The following ROBO2 variants were observed in gnomAD, a reference collection of about 807,000 sequenced individuals.
The protein encoded by ROBO2 is roundabout homolog 2.
Under a neutral mutation model 160.8 loss-of-function variants are expected in ROBO2, and 53 were observed. The ratio of observed to expected loss-of-function variants is 0.33; its 90% CI spans 0.26 to 0.41. The LOEUF (loss-of-function observed/expected upper bound fraction) is 0.41. Ranked by LOEUF, ROBO2 falls within the 10% of genes least tolerant of loss-of-function variation. The probability of loss-of-function intolerance (pLI) is 1.00; values close to 1 mark genes in which losing one functional copy is unlikely to be tolerated. For missense variants in ROBO2, 1,577 were observed against 1,722.4 expected, an observed-to-expected ratio of 0.92 and a Z score of 1.49; for synonymous variants, 664 against 611.7, an observed-to-expected ratio of 1.09 and a Z score of -1.26.
intron 2 of ROBO2, among the ~76,000 whole-genome samples, chr3:77,360,258 C>T (rs1053952917): frequency 6.6e-6 from 1 of 150,968 alleles, no homozygotes; most frequent in African/African-American, 2.4e-5. Context: ...TGCAACCCCC[C>T]CCCCAAATTT....
intron 2 of ROBO2, among the ~76,000 whole-genome samples, chr3:76,401,288 A>G (rs964050388): frequency 1.3e-5 from 2 of 151,524 alleles, no homozygotes; most frequent in African/African-American, 4.8e-5. Flanking sequence ...ACTACATCAG[A>G]TTGAATGACA....
chr3:77,473,663 A>G (rs142626722), intron 2 of ROBO2, among the ~76,000 whole-genome samples: 23,598 of 151,514 alleles, frequency 0.16, 2,017 homozygotes, highest in South Asian at 0.24. Context: ...TCACCGTGTT[A>G]GCCAGAATGG....
At chr3:77,297,883 G>A (rs2062290903) in intron 2 of ROBO2, among the ~76,000 whole-genome samples, 1 of 152,158 alleles carries the variant, frequency 6.6e-6, no homozygotes. Flanking sequence ...GTCCGGGATA[G>A]AAGGCCCATT....
intron 2 of ROBO2, among the ~76,000 whole-genome samples, chr3:77,369,707 A>T (rs2071459074): frequency 6.6e-6 from 1 of 152,182 alleles, no homozygotes; most frequent in Non-Finnish European, 1.5e-5. Context: ...TGGAACTTGC[A>T]TTGGAGAGGC....
At chr3:76,070,719 T>C (rs1337327765) in intron 2 of ROBO2, among the ~76,000 whole-genome samples, 2 of 152,120 alleles carry the variant, frequency 1.3e-5, no homozygotes, top group African/African-American at 4.8e-5. Flanking sequence ...TCATGGAACC[T>C]ACTGACATGT....
At chr3:77,019,816 A>G (rs1330195258) in intron 2 of ROBO2, among the ~76,000 whole-genome samples, 1 of 152,208 alleles carries the variant, frequency 6.6e-6, no homozygotes, top group East Asian at 1.9e-4. Context: ...GGCTAAAGAA[A>G]CAGATTGGTT....
intron 2 of ROBO2, among the ~76,000 whole-genome samples, chr3:77,436,904 G>A (rs1183219971): frequency 6.6e-6 from 1 of 151,932 alleles, no homozygotes. Context: ...ACCATAATGT[G>A]TATTCAGGCT....
At chr3:76,724,344 A>C (rs764304346) in intron 2 of ROBO2, among the ~76,000 whole-genome samples, 1 of 152,140 alleles carries the variant, frequency 6.6e-6, no homozygotes, top group Non-Finnish European at 1.5e-5. Flanking sequence ...TCAACAAACC[A>C]CAATCTTATG....
chr3:77,524,574 T>C (rs2090949212), intron 6 of ROBO2, among the ~76,000 whole-genome samples: 1 of 151,402 alleles, frequency 6.6e-6, no homozygotes, highest in African/African-American at 2.4e-5. Flanking sequence ...GAGTTGTTTG[T>C]TTGTAGAAGC....
intron 2 of ROBO2, among the ~76,000 whole-genome samples, chr3:77,000,972 T>C (rs546644736): frequency 3.3e-5 from 5 of 152,216 alleles, no homozygotes; most frequent in Non-Finnish European, 7.4e-5. Flanking sequence ...ACGCATCCAG[T>C]TTAGCACCAT....
At chr3:76,334,175 C>G (rs1335217250) in intron 2 of ROBO2, among the ~76,000 whole-genome samples, 1 of 152,030 alleles carries the variant, frequency 6.6e-6, no homozygotes, top group Non-Finnish European at 1.5e-5. Flanking sequence ...TAAAAGAAGC[C>G]TAGCTTCACC....
At chr3:75,969,014 C>T (rs114924419) in intron 2 of ROBO2, among the ~76,000 whole-genome samples, 11,528 of 136,302 alleles carry the variant, frequency 0.085, 1,334 homozygotes, top group East Asian at 0.14. Flanking sequence ...CACATACAAG[C>T]GAGATCATGA....
intron 2 of ROBO2, among the ~76,000 whole-genome samples, chr3:76,130,125 A>G (rs1232226589): frequency 3.3e-5 from 5 of 152,208 alleles, no homozygotes; most frequent in East Asian, 1.9e-4. Flanking sequence ...GAATTTTCAT[A>G]TATACTGGGT....
At chr3:76,708,645 T>C (rs1346789364) in intron 2 of ROBO2, among the ~76,000 whole-genome samples, 1 of 152,194 alleles carries the variant, frequency 6.6e-6, no homozygotes, top group African/African-American at 2.4e-5. Context: ...AGAATTTATA[T>C]GCCTTGCCCA....
chr3:76,858,903 T>C (rs1349739035), intron 2 of ROBO2, among the ~76,000 whole-genome samples: 5 of 152,160 alleles, frequency 3.3e-5, no homozygotes, highest in Non-Finnish European at 5.9e-5. Flanking sequence ...TCCTGGAAGA[T>C]AGAAACCAGG....
intron 2 of ROBO2, among the ~76,000 whole-genome samples, chr3:77,247,592 G>C (rs1050883920): frequency 6.6e-6 from 1 of 152,112 alleles, no homozygotes; most frequent in East Asian, 1.9e-4. Flanking sequence ...AAGAGTAATT[G>C]TATCAGTTAG....
At position 76,046,604 on chromosome 3, in the gene ROBO2, C is replaced by T. The variant is rs1177267169; in HGVS notation, c.109+109002C>T. Among the ~76,000 whole-genome samples the T allele has an allele frequency of 3.3e-5, 5 of 151,960 alleles. No individual in the cohort carries two copies. In the East Asian group the frequency reaches 7.8e-4, roughly 24 times the overall value. The stretch of plus-strand genomic sequence containing the variant: ...CGGAGCTTGCAGTGAGCCGAGATCG[C>T]GCCACTGCACTCCAGCCTGGGTGAC... On this transcript the variant is annotated intron_variant, in intron 2 of 26. Transcript: ENST00000487694.
chr3:76,690,438 A>T (rs911740298), intron 2 of ROBO2, among the ~76,000 whole-genome samples: 3 of 151,966 alleles, frequency 2.0e-5, no homozygotes, highest in African/African-American at 7.2e-5. Flanking sequence ...CCCTTTCATC[A>T]TCTTGGAGGA....
intron 2 of ROBO2, among the ~76,000 whole-genome samples, chr3:76,820,679 A>T (rs2066047060): frequency 6.6e-6 from 1 of 151,980 alleles, no homozygotes; most frequent in African/African-American, 2.4e-5. Context: ...CCCTGCACTA[A>T]TGTACTTTTA....
Sources: allele counts gnomAD v4.1 joint callset (sites outside exome capture counted in the v4.1 genomes callset), GRCh38; gene constraint gnomAD v4.1.1; transcripts MANE v1.5; gene names NCBI Gene and HGNC (gene_info 2026-07-23, HGNC 2026-07-21).